The following RELT variants were observed in gnomAD, a reference collection of about 807,000 sequenced individuals.
The protein encoded by RELT is RELT TNF receptor, also known as tumor necrosis factor receptor superfamily member 19L.
A neutral mutation model predicts 51.1 loss-of-function variants in RELT; 37 were observed. The observed-to-expected ratio is 0.72, with a 90% confidence interval of 0.56 to 0.95. The LOEUF (loss-of-function observed/expected upper bound fraction) is 0.95, where lower values mean the gene tolerates loss of function less well. Among genes scored for constraint, RELT ranks in the 40% least tolerant of loss-of-function variants. RELT has a pLI of 0.00. For synonymous variants in RELT, 241 were observed against 235.7 expected (o/e 1.02, Z -0.21); for missense variants, 535 against 572.6 (o/e 0.93, Z 0.67).
intron 6 of RELT, chr11:73,393,618 T>G (rs1191325258): frequency 6.6e-7 from 1 of 1,504,888 alleles, no homozygotes; most frequent in East Asian, 2.6e-5. Context: ...GCACCCGGGC[T>G]GTTGGGTGCA....
At position 73,395,830 on chromosome 11, in the gene RELT, G is replaced by C. The variant is rs1352252157; in HGVS notation, c.*339G>C. The stretch of plus-strand genomic sequence containing the variant: ...GAGGCTGGGCTTGGCAGAGGGGAGG[G>C]GCCTGTGCCCGTCACCCCTGGCCCC... On this transcript the variant is annotated 3_prime_UTR_variant, in exon 11 of 11. Transcript: ENST00000064780. 1 of 436,478 alleles carries C rather than the reference G, an allele frequency of 2.3e-6. No homozygotes were observed. The highest frequency in any genetic ancestry group is 4.2e-6 in the Non-Finnish European group (1 of 238,974). The allele number at this position is 436,478 out of a possible 1,614,324, so 27.0% of individuals were successfully genotyped here. A position where few individuals can be genotyped will look rare whatever the true frequency, so the allele number is the denominator to read the frequency against.
rs1235346945 is a variant in RELT, at chr11:73,388,265, T to G, written c.-25-847T>G. On this transcript the variant is annotated intron_variant, in intron 1 of 10. Coordinates refer to ENST00000064780, the MANE Select transcript of RELT (RefSeq NM_152222.2). This position sits in a 1 kb window ranked among gnomAD's most constrained non-coding sequence, Gnocchi z 4.1. The stretch of plus-strand genomic sequence containing the variant: ...GTTTGCAGTTGGGTCTCCCCTGGGA[T>G]GGAGCTCCCTGCAGACAGGGACCTT... 6.6e-6 allele frequency among the ~76,000 whole-genome samples: 1 copy of G among 152,224 alleles called. No homozygotes were observed. The highest frequency in any genetic ancestry group is 2.4e-5 in the African/African-American group (1 of 41,470).
rs1866307551 is a variant in RELT at position 73,395,652 on chromosome 11, G to T, written c.*161G>T. 2 of 658,064 alleles carry T rather than the reference G, an allele frequency of 3.0e-6. No individual in the cohort carries two copies. The highest frequency in any genetic ancestry group is 2.6e-5 in the East Asian group (1 of 38,098). The allele number at this position is 658,064 out of a possible 1,614,324, so 40.8% of individuals were successfully genotyped here. On this transcript the variant is annotated 3_prime_UTR_variant, in exon 11 of 11. Coordinates refer to ENST00000064780, the MANE Select transcript of RELT (RefSeq NM_152222.2). ...CCTGGAGGTGGGAGCGTCTGCCCCAGTGAGGAGGCAGGTGGCCGGCGGGCA... is the reference window on the plus strand; with the variant it reads ...CCTGGAGGTGGGAGCGTCTGCCCCATTGAGGAGGCAGGTGGCCGGCGGGCA...
At chr11:73,384,077 C>T (rs542389205) in intron 1 of RELT, among the ~76,000 whole-genome samples, 36 of 152,146 alleles carry the variant, frequency 2.4e-4, no homozygotes, top group Non-Finnish European at 4.1e-4. Context: ...AGCTGCCTCC[C>T]TACCTGCCCT....
intron 5 of RELT, among the ~76,000 whole-genome samples, chr11:73,391,672 G>A (rs184339912): frequency 2.0e-3 from 304 of 152,252 alleles, no homozygotes; most frequent in African/African-American, 6.8e-3. Context: ...GGTGCTACTC[G>A]GGAGGCTGAG....
chr11:73,381,642 T>C (rs1003928853), intron 1 of RELT, among the ~76,000 whole-genome samples: 1 of 152,184 alleles, frequency 6.6e-6, no homozygotes, highest in Non-Finnish European at 1.5e-5. Flanking sequence ...CTGTGAACGC[T>C]GAGTCCTCCA....
intron 6 of RELT, chr11:73,392,860 G>C: frequency 1.8e-6 from 2 of 1,127,612 alleles, no homozygotes; most frequent in Non-Finnish European, 2.2e-6. Flanking sequence ...AGGGCTGGCA[G>C]GGCAGCTGTC....
rs141813904 is a variant in RELT at position 73,394,296 on chromosome 11, C to T, written c.767C>T (p.Thr256Met). The T allele has an allele frequency of 7.2e-3, 11,609 of 1,611,314 alleles. 127 individuals are homozygous for T. The highest frequency in any genetic ancestry group is 0.038 in the Middle Eastern group (198 of 5,162). ...TACCACAGCAAACAGCTGGTGCAGA[C>T]GAGCCACAGGCCTGTGTCCAAGTGA... Reference protein sequence around the residue: ...KEYHSKQLVQTSHRPVSKLPP... With the variant: ...KEYHSKQLVQMSHRPVSKLPP... Residue 256 changes from threonine to methionine, a missense_variant, in exon 8 of 11, where the codon ACG becomes ATG. Thr to Met is a moderately conservative substitution (Grantham distance 81). Transcript: ENST00000064780. The surrounding 1 kb of genome is among the most constrained non-coding windows in gnomAD (Gnocchi z 4.9).
At chr11:73,378,916 G>C (rs2134436306) in intron 1 of RELT, among the ~76,000 whole-genome samples, 1 of 152,304 alleles carries the variant, frequency 6.6e-6, no homozygotes, top group South Asian at 2.1e-4. Context: ...CATCATACTT[G>C]AGAGGCCCCC....
chr11:73,391,045 A>AG, intron 4 of RELT, 99 bp from the exon 5 acceptor site: 1 of 1,516,502 alleles, frequency 6.6e-7, no homozygotes, highest in Non-Finnish European at 9.1e-7. Context: ...GGGATGGGGC[A>AG]GGACCACGGA....
chr11:73,391,116 G>C (rs772825612), intron 4 of RELT, 28 bp from the exon 5 acceptor site: 1 of 1,607,626 alleles, frequency 6.2e-7, no homozygotes, highest in Non-Finnish European at 8.5e-7. Flanking sequence ...AAACTTCTGG[G>C]CCTCAGTGGT....
At chr11:73,381,625 C>G (rs577954525) in intron 1 of RELT, among the ~76,000 whole-genome samples, 2 of 152,314 alleles carry the variant, frequency 1.3e-5, no homozygotes, top group African/African-American at 4.8e-5. Context: ...AGAAGAGCCC[C>G]TGTTGCCTGT....
rs1480043474 is a variant in RELT, at chr11:73,394,491, C to G, written c.803C>G (p.Pro268Arg). The G allele has an allele frequency of 6.2e-7, 1 of 1,610,044 alleles. No individual in the cohort carries two copies. Among genetic ancestry groups the G allele is most frequent in the South Asian group, 1.1e-5 (1 of 91,034 alleles). The part of the protein sequence containing the change: ...HRPVSKLPPA[P>R]PNVPHICPHR... The stretch of plus-strand genomic sequence containing the variant: ...GCCCCCTGCAGGCTGCCGCCAGCGC[C>G]CCCGAACGTGCCACACATCTGCCCG... The change falls in exon 9 of 11, where the codon CCC (proline) becomes CGC (arginine). Residue 268 changes from proline to arginine, a missense_variant. Pro to Arg is a moderately radical substitution (Grantham distance 103, BLOSUM62 -2). Coordinates refer to ENST00000064780, the MANE Select transcript of RELT (RefSeq NM_152222.2). The surrounding 1 kb of genome is among the most constrained non-coding windows in gnomAD (Gnocchi z 4.9).
At position 73,392,468 on chromosome 11, in the gene RELT, G is replaced by C; in HGVS notation, c.625G>C (p.Gly209Arg). 6.2e-7 allele frequency: 1 copy of C among 1,611,156 alleles called. No homozygotes were observed. Among genetic ancestry groups the C allele is most frequent in the South Asian group, 1.1e-5 (1 of 91,020 alleles). ...VGPGPGGGGS[G>R]INPAYRTEDA... ...GCCCGGCCCTGGAGGTGGAGGCAGT[G>C]GTGAGGCCCAGCTGGGGTCCAGGTG... Residue 209 changes from glycine (G) to arginine (R), a missense_variant and splice_region_variant, in exon 6 of 11, where the codon GGA (glycine) becomes CGA (arginine). Transcript: ENST00000064780.
At chr11:73,377,618 G>A (rs1411985548) in intron 1 of RELT, among the ~76,000 whole-genome samples, 1 of 151,958 alleles carries the variant, frequency 6.6e-6, no homozygotes, top group Non-Finnish European at 1.5e-5. Context: ...CCCTACACCT[G>A]GCAAAGTTCT....
chr11:73,389,274 C>T (rs1049323459), intron 2 of RELT, 93 bp downstream of exon 2: 29 of 903,916 alleles, frequency 3.2e-5, no homozygotes, highest in Non-Finnish European at 4.4e-5. Context: ...CGGGGAACCC[C>T]CTGCTGGGCA....
intron 1 of RELT, among the ~76,000 whole-genome samples, chr11:73,385,094 G>A (rs1017508380): frequency 1.3e-5 from 2 of 152,170 alleles, no homozygotes; most frequent in African/African-American, 4.8e-5. Flanking sequence ...AGAACTGGGT[G>A]TCAGGGCACC....
chr11:73,394,035 C>A lies in RELT; in HGVS notation c.706+118C>A. 1 of 1,077,802 alleles carries A rather than the reference C, an allele frequency of 9.3e-7. No homozygotes were observed. Among genetic ancestry groups the A allele is most frequent in the Non-Finnish European group, 1.4e-6 (1 of 708,752 alleles). The allele number at this position is 1,077,802 out of a possible 1,614,324, so 66.8% of individuals were successfully genotyped here. On this transcript the variant is annotated intron_variant, in intron 7 of 10. Coordinates refer to ENST00000064780, the MANE Select transcript of RELT (RefSeq NM_152222.2). The surrounding 1 kb of genome is among the most constrained non-coding windows in gnomAD (Gnocchi z 4.9). ...CTGCTCTGCCTTCCCTGCCAGGGTG[C>A]CTCAAGCAGCCTGGTGCTCTCTGAC...
intron 1 of RELT, among the ~76,000 whole-genome samples, chr11:73,377,319 G>C (rs1007423357): frequency 1.4e-5 from 2 of 139,314 alleles, no homozygotes; most frequent in African/African-American, 6.3e-5. Flanking sequence ...TGATGAGTAA[G>C]AGGCAGGAGG....
Sources: allele counts gnomAD v4.1 joint callset (sites outside exome capture counted in the v4.1 genomes callset), GRCh38; gene constraint gnomAD v4.1.1; non-coding constraint Gnocchi (gnomAD v3.1); transcripts MANE v1.5; gene names NCBI Gene and HGNC (gene_info 2026-07-23, HGNC 2026-07-21).